RMND5A: variants seen among roughly 807,000 people sequenced by gnomAD.
RMND5A encodes the protein E3 ubiquitin-protein transferase RMND5A.
A neutral mutation model predicts 49.7 loss-of-function variants in RMND5A; 17 were observed. The ratio of observed to expected loss-of-function variants is 0.34; its 90% confidence interval spans 0.23 to 0.51. The LOEUF (loss-of-function observed/expected upper bound fraction) is 0.51, where lower values mean the gene tolerates loss of function less well. RMND5A is among the 20% of genes least tolerant of loss of function. The probability of loss-of-function intolerance (pLI) is 0.96; values close to 1 mark genes in which losing one functional copy is unlikely to be tolerated. For missense variants in RMND5A, 255 were observed against 471.3 expected (o/e 0.54, Z 4.25); for synonymous variants, 156 against 167.7 (o/e 0.93, Z 0.54).
chr2:86,750,295 C>T (rs947825088), intron 2 of RMND5A, among the ~76,000 whole-genome samples: 2 of 152,338 alleles, frequency 1.3e-5, no homozygotes, highest in Admixed American at 1.3e-4. Flanking sequence ...TAGAGCAAGT[C>T]TGATGGCAGT....
At chr2:86,745,798 A>G (rs1012320244) in intron 2 of RMND5A, among the ~76,000 whole-genome samples, 5 of 152,196 alleles carry the variant, frequency 3.3e-5, no homozygotes, top group Non-Finnish European at 2.9e-5. Context: ...CCCATTTTAT[A>G]TATGAGGAAA....
chr2:86,770,457 C>T (rs549244794), intron 7 of RMND5A, among the ~76,000 whole-genome samples: 2 of 152,120 alleles, frequency 1.3e-5, no homozygotes, highest in Admixed American at 1.3e-4. Flanking sequence ...CTAATATAAA[C>T]GCAAATTTAA....
At chr2:86,732,271 T>C (rs1681343904) in intron 1 of RMND5A, among the ~76,000 whole-genome samples, 1 of 149,638 alleles carries the variant, frequency 6.7e-6, no homozygotes, top group South Asian at 2.1e-4. Context: ...TGTTTAGTTT[T>C]AGCAATGCTA....
intron 5 of RMND5A, 38 bp from the exon 6 acceptor site, chr2:86,765,821 C>A: frequency 6.3e-7 from 1 of 1,596,324 alleles, no homozygotes; most frequent in Non-Finnish European, 8.6e-7. Context: ...CTTATTACTG[C>A]AAGCAAACTA....
chr2:86,762,249 G>A (rs1017058627), intron 4 of RMND5A, among the ~76,000 whole-genome samples: 1 of 152,160 alleles, frequency 6.6e-6, no homozygotes, highest in Non-Finnish European at 1.5e-5. Flanking sequence ...GCCTTGTTCC[G>A]ATTAGTCATG....
At chr2:86,754,974 T>C (rs758613714) in intron 4 of RMND5A, among the ~76,000 whole-genome samples, 32 of 152,212 alleles carry the variant, frequency 2.1e-4, no homozygotes, top group Non-Finnish European at 4.0e-4. Context: ...TAGATCTCAC[T>C]TAAGAACTGT....
chr2:86,761,600 C>T lies in RMND5A; in HGVS notation c.522-3427C>T, dbSNP rs531594861. Among the ~76,000 whole-genome samples, 3 of 152,222 alleles carry T rather than the reference C, an allele frequency of 2.0e-5. No individual in the cohort carries two copies. In the East Asian group the frequency reaches 5.8e-4, roughly 29 times the overall value. On this transcript the variant is annotated intron_variant, in intron 4 of 8. Coordinates refer to ENST00000283632, the MANE Select transcript of RMND5A (RefSeq NM_022780.4). Reference sequence around the variant, plus strand: ...CAGGGAGGGAGAAGCTTGGAAGTCCCTTGCCTTGTACAATTTAGTCTTAAT... The same window carrying T: ...CAGGGAGGGAGAAGCTTGGAAGTCCTTTGCCTTGTACAATTTAGTCTTAAT...
At chr2:86,767,153 T>G (rs976658610) in intron 6 of RMND5A, among the ~76,000 whole-genome samples, 1 of 152,176 alleles carries the variant, frequency 6.6e-6, no homozygotes, top group African/African-American at 2.4e-5. Context: ...AGCCTCCACC[T>G]CTTGGGTTCA....
chr2:86,737,596 T>A (rs1240632316), intron 1 of RMND5A, among the ~76,000 whole-genome samples: 2 of 118,646 alleles, frequency 1.7e-5, no homozygotes, highest in Admixed American at 1.7e-4. Flanking sequence ...TATATATATG[T>A]CAGTGACTCA....
intron 6 of RMND5A, among the ~76,000 whole-genome samples, chr2:86,768,430 CT>C (rs976959062): frequency 1.3e-5 from 2 of 152,196 alleles, no homozygotes; most frequent in African/African-American, 4.8e-5. Context: ...ATGTGAGGCG[CT>C]GATGCCATCA....
intron 4 of RMND5A, among the ~76,000 whole-genome samples, chr2:86,755,905 C>T (rs1681728905): frequency 6.6e-6 from 1 of 152,042 alleles, no homozygotes; most frequent in African/African-American, 2.4e-5. Context: ...TATTGTATGC[C>T]TAGCATCGTT....
At chr2:86,773,181 T>C (rs566788331) in intron 8 of RMND5A, among the ~76,000 whole-genome samples, 167 bp from the exon 9 acceptor site, 76 of 152,368 alleles carry the variant, frequency 5.0e-4, no homozygotes, top group African/African-American at 1.8e-3. Flanking sequence ...TTGGCAGTTA[T>C]ATTAAGGGAA....
chr2:86,777,527 G>A lies in RMND5A; in HGVS notation c.*4116G>A, dbSNP rs1221318447. On this transcript the variant is annotated 3_prime_UTR_variant, in exon 9 of 9. Coordinates refer to ENST00000283632, the MANE Select transcript of RMND5A (RefSeq NM_022780.4). ...TATGCATGTATTTTTTTCCTTCTCT[G>A]TGTTTTCTAAACTTACACTAAAGGA... The A allele has an allele frequency of 7.2e-5, 11 of 152,082 alleles. No individual in the cohort carries two copies. In the East Asian group the frequency reaches 2.1e-3, roughly 29 times the overall value. The allele number at this position is 152,082 out of a possible 1,614,324, so 9.4% of individuals were successfully genotyped here.
intron 4 of RMND5A, among the ~76,000 whole-genome samples, chr2:86,758,973 A>G (rs562314382): frequency 1.1e-4 from 16 of 152,298 alleles, no homozygotes; most frequent in African/African-American, 3.9e-4. Flanking sequence ...CCTGAACTTC[A>G]GCTTTTACCC....
rs1672725787 is a variant in RMND5A at position 86,774,009 on chromosome 2, A to G, written c.*598A>G. 6.5e-6 allele frequency: 1 copy of G among 152,700 alleles called. No individual in the cohort carries two copies. Among genetic ancestry groups the G allele is most frequent in the African/African-American group, 2.4e-5 (1 of 41,478 alleles). 9.5% of individuals were successfully genotyped at this position (152,700 alleles called of 1,614,324 possible). On this transcript the variant is annotated 3_prime_UTR_variant, in exon 9 of 9. Coordinates refer to ENST00000283632, the MANE Select transcript of RMND5A (RefSeq NM_022780.4). ...CAGCACACCTGCATTTTAGCTCTGC[A>G]TGCAGCCCCAGCAGGCTGCGTGTTT...
chr2:86,746,197 T>C (rs1681535360), intron 2 of RMND5A, among the ~76,000 whole-genome samples: 1 of 152,252 alleles, frequency 6.6e-6, no homozygotes, highest in Non-Finnish European at 1.5e-5. Context: ...AAGGACTTAA[T>C]ATCCATTAAA....
chr2:86,772,887 G>A (rs1218703660), intron 8 of RMND5A, among the ~76,000 whole-genome samples: 2 of 152,182 alleles, frequency 1.3e-5, no homozygotes, highest in East Asian at 3.9e-4. Flanking sequence ...CAAAATTGTT[G>A]ATCTTAGTTC....
At chr2:86,764,817 T>A (rs1672563455) in intron 4 of RMND5A, among the ~76,000 whole-genome samples, 1 of 152,242 alleles carries the variant, frequency 6.6e-6, no homozygotes, top group African/African-American at 2.4e-5. Context: ...ATCTTAATGC[T>A]TTTTCTTTCA....
intron 3 of RMND5A, among the ~76,000 whole-genome samples, chr2:86,752,865 A>G (rs1243302112): frequency 2.6e-5 from 4 of 152,204 alleles, no homozygotes; most frequent in Admixed American, 6.5e-5. Context: ...ATTCAGATAA[A>G]TGATAACTCG....
Sources: gnomAD v4.1 joint callset for allele counts (sites outside exome capture counted in the v4.1 genomes callset) on GRCh38, gnomAD v4.1.1 for gene constraint, MANE v1.5 for transcripts, NCBI Gene and HGNC (gene_info 2026-07-23, HGNC 2026-07-21) for gene names.